The following SFRP1 variants were observed in gnomAD, a reference collection of about 807,000 sequenced individuals.
The protein encoded by SFRP1 is secreted frizzled-related protein 1.
In SFRP1, 9 loss-of-function variants were observed where a neutral mutation model predicts 25.9. That is an observed-to-expected ratio of 0.35 (90% CI 0.21 to 0.61). The LOEUF is 0.61. Among genes scored for constraint, SFRP1 ranks in the 20% least tolerant of loss-of-function variants. The pLI, the probability that SFRP1 is intolerant of heterozygous loss-of-function variation, is 0.78. For missense variants in SFRP1, 346 were observed against 418.2 expected (o/e 0.83, Z 1.51); for synonymous variants, 178 against 174.0 (o/e 1.02, Z -0.18).
chr8:41,285,516 G>A (rs1803688199), intron 2 of SFRP1, among the ~76,000 whole-genome samples: 1 of 151,614 alleles, frequency 6.6e-6, no homozygotes, highest in Admixed American at 6.6e-5. Flanking sequence ...CGGAAGAAGT[G>A]CAGCCCCAGC....
Position 41,308,814 on chromosome 8 carries a change from G to A in SFRP1, c.346C>T (p.Leu116Phe). The change falls in exon 1 of 3, where the codon CTC becomes TTC. Residue 116 changes from leucine to phenylalanine, a missense_variant. Leu to Phe is a conservative substitution (Grantham distance 22). Transcript: ENST00000220772. ...HAGTQVFLCS[L>F]FAPVCLDRPI... The stretch of plus-strand genomic sequence containing the variant: ...CGGTCCAGGCAGACGGGCGCGAAGA[G>A]CGAGCAGAGGAAGACCTGGGTGCCG... The A allele has an allele frequency of 6.2e-7, 1 of 1,610,712 alleles. No individual in the cohort carries two copies. The highest frequency in any genetic ancestry group is 8.5e-7 in the Non-Finnish European group (1 of 1,179,188).
intron 2 of SFRP1, among the ~76,000 whole-genome samples, chr8:41,300,409 T>C (rs1803899878): frequency 6.6e-6 from 1 of 152,078 alleles, no homozygotes; most frequent in African/African-American, 2.4e-5. Context: ...GCTGAAGAAA[T>C]TGCCACCTGA....
intron 2 of SFRP1, among the ~76,000 whole-genome samples, chr8:41,268,788 C>T (rs1342615847): frequency 2.6e-5 from 4 of 152,216 alleles, no homozygotes; most frequent in South Asian, 4.2e-4. Flanking sequence ...GCTGCTGGGG[C>T]GAGGGCAGGT....
chr8:41,286,097 A>G (rs1303305877), intron 2 of SFRP1, among the ~76,000 whole-genome samples: 1 of 151,832 alleles, frequency 6.6e-6, no homozygotes, highest in Non-Finnish European at 1.5e-5. Flanking sequence ...GCATCACCCC[A>G]CTTCCAAAGA....
intron 1 of SFRP1, chr8:41,306,605 G>T: frequency 8.0e-7 from 1 of 1,251,972 alleles, no homozygotes; most frequent in Non-Finnish European, 1.1e-6. Flanking sequence ...CCATCTCAGG[G>T]CAGAGCCCCC....
chr8:41,286,707 G>T (rs1417922062), intron 2 of SFRP1, among the ~76,000 whole-genome samples: 1 of 152,154 alleles, frequency 6.6e-6, no homozygotes, highest in South Asian at 2.1e-4. Context: ...CACTGAAGAG[G>T]GGGTCCACAC....
At chr8:41,265,559 T>C in intron 2 of SFRP1, 70 bp from the exon 3 acceptor site, 1 of 1,101,934 alleles carries the variant, frequency 9.1e-7, no homozygotes, top group Non-Finnish European at 1.3e-6. Context: ...GCTTTTCTTT[T>C]TTTGATCCTC....
intron 2 of SFRP1, among the ~76,000 whole-genome samples, chr8:41,266,543 C>A (rs1446095681): frequency 1.3e-5 from 2 of 151,968 alleles, no homozygotes; most frequent in Admixed American, 6.6e-5. Context: ...TCAAGCAATT[C>A]TCCCACCTCA....
At chr8:41,290,223 C>T (rs540556250) in intron 2 of SFRP1, among the ~76,000 whole-genome samples, 6 of 152,244 alleles carry the variant, frequency 3.9e-5, no homozygotes, top group Non-Finnish European at 5.9e-5. Context: ...ACCCATATCT[C>T]GCAGATATAA....
At chr8:41,280,937 C>A (rs1005092253) in intron 2 of SFRP1, among the ~76,000 whole-genome samples, 1 of 152,236 alleles carries the variant, frequency 6.6e-6, no homozygotes. Context: ...AGTGGCTCCA[C>A]AACAGACAGA....
intron 2 of SFRP1, among the ~76,000 whole-genome samples, chr8:41,291,032 G>A (rs1803772569): frequency 6.7e-6 from 1 of 149,814 alleles, no homozygotes; most frequent in East Asian, 2.0e-4. Flanking sequence ...TCAGCCTCCT[G>A]AGTAGCTGGG....
chr8:41,274,001 C>T (rs891569784), intron 2 of SFRP1, among the ~76,000 whole-genome samples: 1 of 152,210 alleles, frequency 6.6e-6, no homozygotes, highest in Non-Finnish European at 1.5e-5. Context: ...TTCTCCTGCC[C>T]TTGCACATCA....
At chr8:41,294,116 C>T (rs1452265595) in intron 2 of SFRP1, among the ~76,000 whole-genome samples, 1 of 152,086 alleles carries the variant, frequency 6.6e-6, no homozygotes, top group Non-Finnish European at 1.5e-5. Flanking sequence ...TGGAAGGCGC[C>T]CAGACTGTCT....
chr8:41,276,494 C>A (rs1434104626), intron 2 of SFRP1, among the ~76,000 whole-genome samples: 2 of 152,164 alleles, frequency 1.3e-5, no homozygotes, highest in Non-Finnish European at 2.9e-5. Context: ...CAGCAGGAGC[C>A]AATGTCTGGC....
chr8:41,281,263 C>G (rs1324259821), intron 2 of SFRP1, among the ~76,000 whole-genome samples: 1 of 152,248 alleles, frequency 6.6e-6, no homozygotes, highest in Non-Finnish European at 1.5e-5. Context: ...CCCCACCTCA[C>G]CAGCCTTCAC....
intron 2 of SFRP1, among the ~76,000 whole-genome samples, chr8:41,295,452 C>T (rs1220735249): frequency 1.3e-5 from 2 of 152,014 alleles, no homozygotes; most frequent in East Asian, 1.9e-4. Flanking sequence ...TTCCTTGAAC[C>T]CAGTAGGCAG....
In SFRP1 at chr8:41,263,522, C is replaced by G. The variant is rs188743959; in HGVS notation, c.*1645G>C. 6.6e-6 allele frequency: 1 copy of G among 152,218 alleles called. No homozygotes were observed. The highest frequency in any genetic ancestry group is 1.5e-5 in the Non-Finnish European group (1 of 68,056). The allele number at this position is 152,218 out of a possible 1,614,324, so 9.4% of individuals were successfully genotyped here. On this transcript the variant is annotated 3_prime_UTR_variant, in exon 3 of 3. Transcript: ENST00000220772. ...CGGGTCAGGCTAGGGCCGCAGGGGGCCACTTTACAGCCTCACTGCAGCATC... is the reference window on the plus strand; with the variant it reads ...CGGGTCAGGCTAGGGCCGCAGGGGGGCACTTTACAGCCTCACTGCAGCATC...
chr8:41,303,621 G>A (rs1803956628), intron 1 of SFRP1, 83 bp from the exon 2 acceptor site: 6 of 1,119,438 alleles, frequency 5.4e-6, no homozygotes, highest in Non-Finnish European at 8.1e-6. Context: ...TCGGCCCTGG[G>A]TCCAGGCTGA....
intron 2 of SFRP1, chr8:41,276,870 A>G (rs1311064950): frequency 2.2e-5 from 10 of 450,732 alleles, no homozygotes; most frequent in East Asian, 2.1e-4. Context: ...AACTTTGCAG[A>G]GCCCTCTCCC....
Sources: allele counts gnomAD v4.1 joint callset (sites outside exome capture counted in the v4.1 genomes callset), GRCh38; gene constraint gnomAD v4.1.1; transcripts MANE v1.5; gene names NCBI Gene and HGNC (gene_info 2026-07-23, HGNC 2026-07-21).